Variants in FCRL2 observed in about 807,000 individuals in gnomAD.
FCRL2 encodes Fc receptor-like protein 2.
FCRL2 carries 48 observed loss-of-function variants against 59.8 expected under a neutral mutation model. The ratio of observed to expected loss-of-function variants is 0.80; its 90% CI spans 0.64 to 1.02. The LOEUF (loss-of-function observed/expected upper bound fraction) is 1.02. Among genes scored for constraint, FCRL2 ranks in the 50% least tolerant of loss-of-function variants. FCRL2 has a pLI of 0.00. For missense variants in FCRL2, 658 were observed against 597.3 expected (o/e 1.10, Z -1.06); for synonymous variants, 251 against 229.5 (o/e 1.09, Z -0.85).
intron 7 of FCRL2, among the ~76,000 whole-genome samples, chr1:157,763,370 A>C (rs1240372096): frequency 6.6e-6 from 1 of 151,894 alleles, no homozygotes; most frequent in Non-Finnish European, 1.5e-5. Context: ...TAAAAATACA[A>C]ATAAATTAGC....
At chr1:157,750,057 A>G (rs1394103067) in intron 7 of FCRL2, among the ~76,000 whole-genome samples, 2 of 152,304 alleles carry the variant, frequency 1.3e-5, no homozygotes, top group East Asian at 3.9e-4. Flanking sequence ...GCTCTTCTGT[A>G]TTAGATTTTA....
intron 7 of FCRL2, among the ~76,000 whole-genome samples, chr1:157,762,646 T>C (rs1049541638): frequency 1.3e-5 from 2 of 152,052 alleles, no homozygotes; most frequent in African/African-American, 2.4e-5. Flanking sequence ...CACATTATAA[T>C]AAAACAGTCT....
At chr1:157,774,842 A>G (rs1650288913) in intron 2 of FCRL2, among the ~76,000 whole-genome samples, 2 of 152,080 alleles carry the variant, frequency 1.3e-5, no homozygotes, top group African/African-American at 2.4e-5. Context: ...CTTTTCCCAC[A>G]CTGTTCCTTA....
rs1649928288 is a variant in FCRL2 at position 157,770,562 on chromosome 1, T to C, written c.157A>G (p.Lys53Glu). Reference sequence around the variant, plus strand: ...AAAACAGATAACTCTTTGTTATCCTTATGGTAAGCCATCTTCTGAATTTTC... The same window carrying C: ...AAAACAGATAACTCTTTGTTATCCTCATGGTAAGCCATCTTCTGAATTTTC... ...NWKIQKMAYHKDNKELSVFKK... is the reference protein window; with the variant it reads ...NWKIQKMAYHEDNKELSVFKK... Residue 53 changes from lysine to glutamate, a missense_variant, in exon 3 of 12, where the codon AAG (lysine) becomes GAG (glutamate). Physicochemically the swap from Lys to Glu is moderately conservative, Grantham distance 56. Coordinates refer to ENST00000361516, the MANE Select transcript of FCRL2 (RefSeq NM_030764.4). 6.2e-7 allele frequency: 1 copy of C among 1,614,104 alleles called. No homozygotes were observed. Among genetic ancestry groups the C allele is most frequent in the African/African-American group, 1.3e-5 (1 of 74,950 alleles).
At chr1:157,749,800 G>A (rs1053730133) in intron 7 of FCRL2, 123 bp from the exon 8 acceptor site, 2 of 585,802 alleles carry the variant, frequency 3.4e-6, no homozygotes, top group African/African-American at 3.7e-5. Context: ...TAATCCAATT[G>A]TATTTCATCT....
At chr1:157,762,292 T>A (rs1410962444) in intron 7 of FCRL2, among the ~76,000 whole-genome samples, 1 of 152,194 alleles carries the variant, frequency 6.6e-6, no homozygotes, top group Non-Finnish European at 1.5e-5. Flanking sequence ...TATCCATTGT[T>A]TGGGACTCAG....
At chr1:157,761,446 T>C (rs1197880370) in intron 7 of FCRL2, among the ~76,000 whole-genome samples, 2 of 152,016 alleles carry the variant, frequency 1.3e-5, no homozygotes, top group Non-Finnish European at 2.9e-5. Context: ...TAAAACCCCA[T>C]CTTTACAAAA....
intron 7 of FCRL2, among the ~76,000 whole-genome samples, chr1:157,763,250 C>T (rs1197502953): frequency 1.3e-5 from 2 of 152,094 alleles, no homozygotes; most frequent in Admixed American, 6.5e-5. Context: ...AGATGGGGTG[C>T]CGTGGCTCAT....
intron 7 of FCRL2, among the ~76,000 whole-genome samples, chr1:157,755,660 C>T (rs1211770884): frequency 6.6e-6 from 1 of 152,134 alleles, no homozygotes; most frequent in Non-Finnish European, 1.5e-5. Context: ...TATTGCAAAT[C>T]CATGAATAGA....
chr1:157,747,817 T>C (rs1410832758), intron 10 of FCRL2, among the ~76,000 whole-genome samples: 1 of 152,200 alleles, frequency 6.6e-6, no homozygotes, highest in East Asian at 1.9e-4. Flanking sequence ...GTCATGTTGA[T>C]TTATTCAGTT....
At chr1:157,755,779 T>C (rs1219084288) in intron 7 of FCRL2, among the ~76,000 whole-genome samples, 1 of 152,188 alleles carries the variant, frequency 6.6e-6, no homozygotes, top group Non-Finnish European at 1.5e-5. Context: ...TATGTTATTA[T>C]TTGTGTGAAA....
At chr1:157,755,204 TA>T (rs1283459233) in intron 7 of FCRL2, among the ~76,000 whole-genome samples, 1 of 152,146 alleles carries the variant, frequency 6.6e-6, no homozygotes. Flanking sequence ...ACATTTAGTA[TA>T]AACAGATCAT....
At chr1:157,772,912 C>A (rs1161000355) in intron 2 of FCRL2, among the ~76,000 whole-genome samples, 4 of 152,046 alleles carry the variant, frequency 2.6e-5, no homozygotes, top group African/African-American at 9.7e-5. Context: ...CAGAAGAGTG[C>A]CTCAATTTAC....
At chr1:157,775,946 T>G in intron 1 of FCRL2, 151 bp from the exon 2 acceptor site, 1 of 862,912 alleles carries the variant, frequency 1.2e-6, no homozygotes. Flanking sequence ...CAATTCAATC[T>G]CCCTCGAGCA....
rs1327377834 is a variant in FCRL2 at position 157,746,763 on chromosome 1, G to A, written c.1500C>T (p.Val500=). ...RTLLENKDSQ[V]IYSSVKKS ...ATGATTTCTTCACAGAAGAGTAGATGACTTGGGAGTCCTGGGAGAGACACA... is the reference window on the plus strand; with the variant it reads ...ATGATTTCTTCACAGAAGAGTAGATAACTTGGGAGTCCTGGGAGAGACACA... The change falls in exon 12 of 12, where the codon GTC becomes GTT. Residue 500 remains valine (V), a synonymous_variant. Coordinates refer to ENST00000361516, the MANE Select transcript of FCRL2 (RefSeq NM_030764.4). 8 of 1,613,936 alleles carry A rather than the reference G, an allele frequency of 5.0e-6. No individual in the cohort carries two copies. Among genetic ancestry groups the A allele is most frequent in the Admixed American group, 1.7e-5 (1 of 60,024 alleles).
chr1:157,756,221 C>T (rs1393900209), intron 7 of FCRL2, among the ~76,000 whole-genome samples: 1 of 152,182 alleles, frequency 6.6e-6, no homozygotes, highest in Non-Finnish European at 1.5e-5. Context: ...TAGGGTATGG[C>T]TAATTTATGT....
At chr1:157,755,001 T>C in intron 7 of FCRL2, among the ~76,000 whole-genome samples, 1 of 151,644 alleles carries the variant, frequency 6.6e-6, no homozygotes. Context: ...AAAGGAGAAC[T>C]TTTTCTATCA....
chr1:157,774,673 A>G lies in FCRL2; in HGVS notation c.52+1102T>C, dbSNP rs181182529. 2.0e-5 allele frequency among the ~76,000 whole-genome samples: 3 copies of G among 152,358 alleles called. No homozygotes were observed. In the East Asian group the frequency reaches 5.8e-4, roughly 29 times the overall value. On this transcript the variant is annotated intron_variant, in intron 2 of 11. Coordinates refer to ENST00000361516, the MANE Select transcript of FCRL2 (RefSeq NM_030764.4). ...GGTTTCCTCTAATTTCCATCCAGAC[A>G]GACAGTGGAGTGATGGGTATCACAG... is the stretch of plus-strand genomic sequence containing the variant.
At chr1:157,757,193 G>T (rs1014200886) in intron 7 of FCRL2, among the ~76,000 whole-genome samples, 2 of 152,186 alleles carry the variant, frequency 1.3e-5, no homozygotes, top group African/African-American at 4.8e-5. Context: ...AGATTAGGAG[G>T]CTTATATTAG....
Sources: allele counts gnomAD v4.1 joint callset (sites outside exome capture counted in the v4.1 genomes callset), GRCh38; gene constraint gnomAD v4.1.1; transcripts MANE v1.5; gene names NCBI Gene and HGNC (gene_info 2026-07-23, HGNC 2026-07-21).